NAA60: variants seen among roughly 807,000 people sequenced by gnomAD.
NAA60 encodes the protein N-alpha-acetyltransferase 60, NatF catalytic subunit, also known as N-alpha-acetyltransferase 60.
Under a neutral mutation model 26.1 loss-of-function variants are expected in NAA60, and 8 were observed. That is an observed-to-expected ratio of 0.31 (90% CI 0.18 to 0.55). The LOEUF is 0.55. Ranked by LOEUF, NAA60 falls within the 20% of genes least tolerant of loss-of-function variation. NAA60 has a pLI of 0.93. For missense variants in NAA60, 290 were observed against 311.3 expected (o/e 0.93, Z 0.51); for synonymous variants, 131 against 122.5 (o/e 1.07, Z -0.46).
chr16:3,482,850 C>G lies in NAA60; in HGVS notation c.337+252C>G, dbSNP rs576249539. On this transcript the variant is annotated intron_variant, in intron 5 of 7. Transcript: ENST00000407558. ...GCCTTTCTGCTGCAGCCTCGCTCAGCCCCCAGGATGGAGCTGAGGAAACTG... is the reference window on the plus strand; with the variant it reads ...GCCTTTCTGCTGCAGCCTCGCTCAGGCCCCAGGATGGAGCTGAGGAAACTG... 19 of 561,474 alleles carry G rather than the reference C, an allele frequency of 3.4e-5. No homozygotes were observed. The Admixed American group carries it at 4.6e-4, about 14-fold the overall frequency. The allele number at this position is 561,474 out of a possible 1,614,324, so 34.8% of individuals were successfully genotyped here. A position where few individuals can be genotyped will look rare whatever the true frequency, so the allele number is the denominator to read the frequency against.
At chr16:3,453,761 G>C (rs1444994102) in intron 2 of NAA60, among the ~76,000 whole-genome samples, 1 of 152,114 alleles carries the variant, frequency 6.6e-6, no homozygotes, top group African/African-American at 2.4e-5. Context: ...GAAATAATCA[G>C]AACGTATGCA....
chr16:3,468,283 G>A lies in NAA60; in HGVS notation c.-6-7939G>A, dbSNP rs534855112. The A allele has an allele frequency of 5.3e-5, 8 of 152,322 alleles. No homozygotes were observed. In the East Asian group the frequency reaches 1.5e-3, roughly 29 times the overall value. The allele number at this position is 152,322 out of a possible 1,614,324, so 9.4% of individuals were successfully genotyped here. A position where few individuals can be genotyped will look rare whatever the true frequency, so the allele number is the denominator to read the frequency against. ...CTTGATCTGCTTGGTAGAAAAGCAGGTCGGTGTGAAGGGAGTAGCCTCTGG... is the reference window on the plus strand; with the variant it reads ...CTTGATCTGCTTGGTAGAAAAGCAGATCGGTGTGAAGGGAGTAGCCTCTGG... On this transcript the variant is annotated intron_variant, in intron 2 of 7. Coordinates refer to ENST00000407558, the MANE Select transcript of NAA60 (RefSeq NM_001083601.3).
chr16:3,482,416 C>G, intron 4 of NAA60, 86 bp from the exon 5 acceptor site: 1 of 1,100,360 alleles, frequency 9.1e-7, no homozygotes, highest in Non-Finnish European at 1.4e-6. Context: ...CGTGGGAAGT[C>G]GGTGCGGAGC....
At chr16:3,447,536 AC>A (rs1476097128) in intron 1 of NAA60, 1 of 985,280 alleles carries the variant, frequency 1.0e-6, no homozygotes, top group Non-Finnish European at 1.2e-6. Flanking sequence ...TCTGGTTCTT[AC>A]CGCCTTTACC....
chr16:3,483,310 ATCCT>A (rs1555489112), intron 5 of NAA60, 49 bp from the exon 6 acceptor site: 1 of 1,336,012 alleles, frequency 7.5e-7, no homozygotes, highest in Non-Finnish European at 1.1e-6. Context: ...TAGCCCAGTC[ATCCT>A]TCCTTCCTAA....
intron 2 of NAA60, among the ~76,000 whole-genome samples, chr16:3,471,459 C>T (rs1294436406): frequency 2.6e-5 from 4 of 152,080 alleles, no homozygotes; most frequent in Admixed American, 6.6e-5. Context: ...ACCGAGATCG[C>T]GCCAGTGCAC....
intron 2 of NAA60, among the ~76,000 whole-genome samples, chr16:3,453,887 A>G (rs553202282): frequency 7.9e-5 from 12 of 152,106 alleles, no homozygotes; most frequent in Admixed American, 5.2e-4. Flanking sequence ...CCATCCATCT[A>G]CTACCTTTCC....
At chr16:3,446,030 G>A (rs2034536643) in intron 1 of NAA60, among the ~76,000 whole-genome samples, 1 of 152,124 alleles carries the variant, frequency 6.6e-6, no homozygotes, top group South Asian at 2.1e-4. Context: ...CAAGTAACAT[G>A]TTTTAATCAT....
At chr16:3,455,414 G>A (rs1169567799) in intron 2 of NAA60, among the ~76,000 whole-genome samples, 7 of 124,166 alleles carry the variant, frequency 5.6e-5, no homozygotes, top group Admixed American at 8.9e-5. Flanking sequence ...TTTTTGAGAC[G>A]GAGTCTCGCT....
At chr16:3,477,047 A>G (rs1213794641) in intron 3 of NAA60, among the ~76,000 whole-genome samples, 1 of 152,058 alleles carries the variant, frequency 6.6e-6, no homozygotes, top group Non-Finnish European at 1.5e-5. Flanking sequence ...GTTTCAAAAA[A>G]AAGAAAGAAA....
chr16:3,462,754 C>T (rs946095814), intron 2 of NAA60: 1 of 152,130 alleles, frequency 6.6e-6, no homozygotes, highest in Non-Finnish European at 1.5e-5. Flanking sequence ...AGTAATTATA[C>T]TAGGGATGGG....
rs1349280605 is a variant in NAA60, at chr16:3,483,359, C to T, written c.338-4C>T. 2 of 1,599,942 alleles carry T rather than the reference C, an allele frequency of 1.3e-6. No individual in the cohort carries two copies. The highest frequency in any genetic ancestry group is 2.3e-5 in the East Asian group (1 of 44,444). On this transcript the variant is annotated splice_region_variant and splice_polypyrimidine_tract_variant and intron_variant, in intron 5 of 7. Transcript: ENST00000407558. ...CTGCATTACCTTTACCTCTTCTCCC[C>T]AAGGTTCCCTCTTACTTGAAAGTTT...
At chr16:3,466,312 A>T (rs2035758578) in intron 2 of NAA60, among the ~76,000 whole-genome samples, 1 of 152,204 alleles carries the variant, frequency 6.6e-6, no homozygotes, top group South Asian at 2.1e-4. Context: ...GTTTGGAAAT[A>T]GAGTGGTGGG....
intron 2 of NAA60, among the ~76,000 whole-genome samples, chr16:3,460,914 TATC>T (rs1461794436): frequency 2.0e-5 from 3 of 152,212 alleles, no homozygotes; most frequent in Non-Finnish European, 2.9e-5. Context: ...CTTCCCTACA[TATC>T]ATTATTTTGA....
rs536658235 is a variant in NAA60 at position 3,485,947 on chromosome 16, A to G, written c.*687A>G. On this transcript the variant is annotated 3_prime_UTR_variant, in exon 8 of 8. Coordinates refer to ENST00000407558, the MANE Select transcript of NAA60 (RefSeq NM_001083601.3). Reference sequence around the variant, plus strand: ...CCTCAGCACCTTCCGTGCAGTTACCAGTGCCCTGGGAGGTCACACTGCCCG... The same window carrying G: ...CCTCAGCACCTTCCGTGCAGTTACCGGTGCCCTGGGAGGTCACACTGCCCG... 1.9e-5 allele frequency: 6 copies of G among 312,788 alleles called. No homozygotes were observed. Among genetic ancestry groups the G allele is most frequent in the Non-Finnish European group, 3.2e-5 (5 of 158,096 alleles). The allele number at this position is 312,788 out of a possible 1,614,324, so 19.4% of individuals were successfully genotyped here.
chr16:3,446,988 C>G (rs558262601), intron 1 of NAA60, among the ~76,000 whole-genome samples: 1 of 151,700 alleles, frequency 6.6e-6, no homozygotes, highest in Admixed American at 6.6e-5. Flanking sequence ...ACTATAGGTG[C>G]GTACCACCAC....
rs17793994 is a variant in NAA60, at chr16:3,484,831, C to G, written c.705C>G (p.Gly235=). ...LPWSGISSKS[G]IEYSRTM is the part of the protein sequence containing the mutation. ...GGTCGGGCATCTCTTCCAAGAGTGG[C>G]ATCGAGTACAGCCGGACCATGTGAT... Residue 235 remains glycine, a synonymous_variant, in exon 7 of 8, where the codon GGC becomes GGG. Transcript: ENST00000407558. 13,447 of 1,566,884 alleles carry G rather than the reference C, an allele frequency of 8.6e-3. 82 individuals carry two copies. The highest frequency in any genetic ancestry group is 0.011 in the South Asian group (959 of 85,234).
chr16:3,480,329 G>T (rs2036746978), intron 4 of NAA60, among the ~76,000 whole-genome samples: 1 of 152,204 alleles, frequency 6.6e-6, no homozygotes, highest in Non-Finnish European at 1.5e-5. Flanking sequence ...GGGCGCAGTG[G>T]CTCATGCCTG....
chr16:3,461,275 AG>A (rs1472610816), intron 2 of NAA60, among the ~76,000 whole-genome samples: 1 of 152,098 alleles, frequency 6.6e-6, no homozygotes, highest in Non-Finnish European at 1.5e-5. Flanking sequence ...GAACCGGGGG[AG>A]CCAGGGCTTT....
Sources: allele counts gnomAD v4.1 joint callset (sites outside exome capture counted in the v4.1 genomes callset), GRCh38; gene constraint gnomAD v4.1.1; transcripts MANE v1.5; gene names NCBI Gene and HGNC (gene_info 2026-07-23, HGNC 2026-07-21).